ZNF519: variants seen among roughly 807,000 people sequenced by gnomAD.
The protein encoded by ZNF519 is similar to Zinc finger protein 85 (Zinc finger protein HPF4) (HTF1).
In ZNF519, 7 loss-of-function variants were observed where a neutral mutation model predicts 7.4. That is an observed-to-expected ratio of 0.94 (90% confidence interval 0.54 to 1.77). The LOEUF (loss-of-function observed/expected upper bound fraction) is 1.77, where lower values mean the gene tolerates loss of function less well. ZNF519 is among the 40% of genes most tolerant of loss of function. The pLI is 0.00. For missense variants in ZNF519, 586 were observed against 623.1 expected (o/e 0.94, Z 0.63); for synonymous variants, 179 against 203.3 (o/e 0.88, Z 1.02).
intron 1 of ZNF519, among the ~76,000 whole-genome samples, chr18:14,130,863 C>A (rs1267916770): frequency 1.9e-4 from 28 of 148,044 alleles, no homozygotes; most frequent in African/African-American, 7.0e-4. Context: ...AAAAAAAAAT[C>A]TTAAAAATCC....
chr18:14,095,324 A>G (rs979086068), downstream of ZNF519, among the ~76,000 whole-genome samples: 1 of 152,308 alleles, frequency 6.6e-6, no homozygotes, highest in East Asian at 1.9e-4. Context: ...TGGCAGGCCT[A>G]GCACTGGGTT....
At position 14,091,600 on chromosome 18, in the gene ZNF519, GA is replaced by G. The variant is rs2046114613; in HGVS notation, c.131-6525del. 2.0e-5 allele frequency among the ~76,000 whole-genome samples: 3 copies of G among 152,254 alleles called. No homozygotes were observed. The South Asian group carries it at 6.2e-4, about 32-fold the overall frequency. ...GTTGAAGACAGAGCAATGAAGACTC[GA>G]AAGTCCTTGTCCTCTTGATGACATT... On this transcript the variant is annotated intron_variant and NMD_transcript_variant, in intron 2 of 4. Transcript: ENST00000587419.
At chr18:14,094,582 A>G (rs1395655907) in intron 2 of ZNF519, among the ~76,000 whole-genome samples, 1 of 152,218 alleles carries the variant, frequency 6.6e-6, no homozygotes, top group Non-Finnish European at 1.5e-5. Context: ...TATTATGTTT[A>G]TCAACTTGCA....
downstream of ZNF519, among the ~76,000 whole-genome samples, chr18:14,098,280 C>T (rs2046145999): frequency 6.6e-6 from 1 of 151,828 alleles, no homozygotes; most frequent in Non-Finnish European, 1.5e-5. Context: ...CCTGCCTCAG[C>T]TTACTGAGTA....
intron 2 of ZNF519, among the ~76,000 whole-genome samples, chr18:14,110,368 G>T (rs2046213996): frequency 6.6e-6 from 1 of 152,096 alleles, no homozygotes; most frequent in Non-Finnish European, 1.5e-5. Flanking sequence ...AAACTAAAAA[G>T]CTTCTGCACA....
In ZNF519 at chr18:14,103,645, T is replaced by C. The variant is rs2046172928; in HGVS notation, c.*1272A>G. ...GGGCTAATTAACTACTCAACACACC[T>C]TGGGGAACTTGTTAGAGTAACAAGT... On this transcript the variant is annotated 3_prime_UTR_variant, in exon 3 of 3. Coordinates refer to ENST00000590202, the MANE Select transcript of ZNF519 (RefSeq NM_145287.4). 1 of 152,070 alleles carries C rather than the reference T, an allele frequency of 6.6e-6. No homozygotes were observed. Among genetic ancestry groups the C allele is most frequent in the Non-Finnish European group, 1.5e-5 (1 of 67,966 alleles). 9.4% of individuals were successfully genotyped at this position (152,070 alleles called of 1,614,324 possible).
At chr18:14,109,361 T>C (rs542570022) in intron 2 of ZNF519, among the ~76,000 whole-genome samples, 1 of 152,216 alleles carries the variant, frequency 6.6e-6, no homozygotes, top group African/African-American at 2.4e-5. Flanking sequence ...ATAAACCAAA[T>C]GGACATAATG....
downstream of ZNF519, among the ~76,000 whole-genome samples, chr18:14,097,116 A>T (rs2046140003): frequency 6.6e-6 from 1 of 152,172 alleles, no homozygotes. Context: ...GAGTCTCCAA[A>T]TCAAATGAAG....
At chr18:14,091,923 G>A (rs1408620744) in intron 2 of ZNF519, among the ~76,000 whole-genome samples, 2 of 152,142 alleles carry the variant, frequency 1.3e-5, no homozygotes, top group African/African-American at 2.4e-5. Flanking sequence ...GGTCAGAGTG[G>A]CTTGAATTCA....
chr18:14,110,534 G>A (rs1249937708), intron 2 of ZNF519, among the ~76,000 whole-genome samples: 1 of 151,896 alleles, frequency 6.6e-6, no homozygotes, highest in East Asian at 1.9e-4. Context: ...CAGAGAAAAT[G>A]AATATATATT....
chr18:14,121,351 T>TAA (rs375953027), intron 2 of ZNF519, among the ~76,000 whole-genome samples: 1 of 147,126 alleles, frequency 6.8e-6, no homozygotes, highest in South Asian at 2.1e-4. Context: ...ATACTTACTA[T>TAA]AAAAAAAAAA....
chr18:14,111,910 C>A (rs1468974864), intron 2 of ZNF519, among the ~76,000 whole-genome samples: 3 of 152,300 alleles, frequency 2.0e-5, no homozygotes, highest in East Asian at 1.9e-4. Flanking sequence ...ACACTTCCAA[C>A]CTTGTTCTGT....
Position 14,124,480 on chromosome 18 carries a change from G to A in ZNF519, c.4-4C>T, listed in dbSNP as rs1298560271. ...CATCCCTGAATGTTAAGAGTTCCTGGAAACACATATATCAAGTGACAGAGC... is the reference window on the plus strand; with the variant it reads ...CATCCCTGAATGTTAAGAGTTCCTGAAAACACATATATCAAGTGACAGAGC... On this transcript the variant is annotated splice_region_variant and splice_polypyrimidine_tract_variant and intron_variant, in intron 1 of 2. Transcript: ENST00000590202. 1 of 1,608,136 alleles carries A rather than the reference G, an allele frequency of 6.2e-7. No individual in the cohort carries two copies. The highest frequency in any genetic ancestry group is 8.5e-7 in the Non-Finnish European group (1 of 1,178,682).
At chr18:14,111,758 A>T (rs181488676) in intron 2 of ZNF519, among the ~76,000 whole-genome samples, 1 of 152,096 alleles carries the variant, frequency 6.6e-6, no homozygotes, top group African/African-American at 2.4e-5. Flanking sequence ...CTGAATAGAC[A>T]AACAAGACAT....
chr18:14,125,529 G>A (rs2046294749), intron 1 of ZNF519, among the ~76,000 whole-genome samples: 1 of 152,062 alleles, frequency 6.6e-6, no homozygotes, highest in Admixed American at 6.5e-5. Context: ...AAAATGTATA[G>A]AATAATAGCT....
intron 2 of ZNF519, chr18:14,085,143 A>T (rs2046085306): frequency 6.6e-6 from 1 of 152,162 alleles, no homozygotes; most frequent in Admixed American, 6.5e-5. Context: ...GGTCTAGTAA[A>T]ATTCCCTGGG....
rs146602668 is a variant in ZNF519 at position 14,106,153 on chromosome 18, C to G, written c.387G>C (p.Gln129His). Residue 129 changes from glutamine (Q) to histidine (H), a missense_variant, in exon 3 of 3, where the codon CAG (glutamine) becomes CAC (histidine). By Grantham distance (24) the Gln-to-His change is conservative (BLOSUM62 0). Coordinates refer to ENST00000590202, the MANE Select transcript of ZNF519 (RefSeq NM_145287.4). The part of the protein sequence containing the change: ...KEYRIFQKKP[Q>H]FLSAAPTEPC... ...GTTCTGTAGGAGCAGCTGACAGAAA[C>G]TGAGGCTTCTTCTGAAATATTCTAT... The G allele has an allele frequency of 5.6e-6, 9 of 1,611,670 alleles. No individual in the cohort carries two copies. Among genetic ancestry groups the G allele is most frequent in the Non-Finnish European group, 7.6e-6 (9 of 1,179,454 alleles).
chr18:14,087,214 A>G (rs2046094525), intron 2 of ZNF519, among the ~76,000 whole-genome samples: 1 of 152,188 alleles, frequency 6.6e-6, no homozygotes, highest in Non-Finnish European at 1.5e-5. Flanking sequence ...AATAAAGGCC[A>G]TATATAACAG....
chr18:14,112,703 T>C (rs1425172234), intron 2 of ZNF519, among the ~76,000 whole-genome samples: 1 of 152,008 alleles, frequency 6.6e-6, no homozygotes, highest in East Asian at 1.9e-4. Flanking sequence ...TAAAATAAAA[T>C]ACCTAGGAAT....
Sources: allele counts gnomAD v4.1 joint callset (sites outside exome capture counted in the v4.1 genomes callset), GRCh38; gene constraint gnomAD v4.1.1; transcripts MANE v1.5; gene names NCBI Gene and HGNC (gene_info 2026-07-23, HGNC 2026-07-21).